Variants in NEXMIF observed in about 807,000 individuals in gnomAD.
NEXMIF encodes the protein XLMR protein related to neurite extension.
A neutral mutation model predicts 62.1 loss-of-function variants in NEXMIF; 8 were observed. The ratio of observed to expected loss-of-function variants is 0.13; its 90% CI spans 0.08 to 0.23. NEXMIF has a LOEUF of 0.23. Ranked by LOEUF, NEXMIF falls within the 10% of genes least tolerant of loss-of-function variation. NEXMIF has a pLI of 1.00. For missense variants in NEXMIF, 976 were observed against 1,113.3 expected (o/e 0.88, Z 1.75); for synonymous variants, 404 against 416.6 (o/e 0.97, Z 0.37).
intron 1 of NEXMIF, among the ~76,000 whole-genome samples, chrX:74,758,406 G>A: frequency 9.0e-6 from 1 of 110,667 alleles, no homozygotes; most frequent in Middle Eastern, 4.6e-3. Context: ...ACTCAAAACT[G>A]ATTTAAAAAA....
rs768716351 is a variant in NEXMIF, at chrX:74,764,158, T to C, written c.-47-18461A>G. 7.1e-5 allele frequency among the ~76,000 whole-genome samples: 8 copies of C among 111,953 alleles called. No individual in the cohort carries two copies. The East Asian group carries it at 2.3e-3, about 32-fold the overall frequency. On this transcript the variant is annotated intron_variant, in intron 1 of 3. Transcript: ENST00000055682. ...ATATGTCCCATCAATACCTAATTTATTGAGAGTTTTTAGCATGAAAGGCTG... is the reference window on the plus strand; with the variant it reads ...ATATGTCCCATCAATACCTAATTTACTGAGAGTTTTTAGCATGAAAGGCTG...
chrX:74,742,713 C>T lies in NEXMIF; in HGVS notation c.1844G>A (p.Gly615Asp), dbSNP rs1253840118. 8.3e-7 allele frequency: 1 copy of T among 1,209,034 alleles called. No individual in the cohort carries two copies. The highest frequency in any genetic ancestry group is 1.1e-6 in the Non-Finnish European group (1 of 894,691). The stretch of plus-strand genomic sequence containing the variant: ...TGGCAGAAATGACACCTCAAAGCTA[C>T]CTGGTTCAAAGCTTTGCTTTTGGGA... ...PFSQKQSFEP[G>D]SFEVSFLPPA... Residue 615 changes from glycine to aspartate, a missense_variant, in exon 3 of 4, where the codon GGT becomes GAT. Gly to Asp is a moderately conservative substitution (Grantham distance 94, BLOSUM62 -1). Transcript: ENST00000055682.
At chrX:74,920,099 T>C (rs1275906345) in intron 1 of NEXMIF, among the ~76,000 whole-genome samples, 1 of 111,908 alleles carries the variant, frequency 8.9e-6, no homozygotes, top group Non-Finnish European at 1.9e-5. Context: ...TGTGCATGTG[T>C]CTTTATAGCA....
chrX:74,831,498 C>A (rs1044679760), intron 1 of NEXMIF, among the ~76,000 whole-genome samples: 1 of 109,890 alleles, frequency 9.1e-6, no homozygotes, highest in African/African-American at 3.3e-5. Context: ...CCAGTTTCAT[C>A]CATGTCCCTA....
In NEXMIF at chrX:74,875,235, G is replaced by T. The variant is rs1032802906; in HGVS notation, c.-48+49648C>A. On this transcript the variant is annotated intron_variant, in intron 1 of 3. Transcript: ENST00000055682. ...TTGAATTTTGTCAAAGGCCTTTTCTGCATCTATTGAGATAATCATGTGGTT... is the reference window on the plus strand; with the variant it reads ...TTGAATTTTGTCAAAGGCCTTTTCTTCATCTATTGAGATAATCATGTGGTT... Among the ~76,000 whole-genome samples, 58 of 109,963 alleles carry T rather than the reference G, an allele frequency of 5.3e-4. 1 individual carries two copies. The highest frequency in any genetic ancestry group is 2.0e-3 in the African/African-American group (58 of 29,441).
At chrX:74,885,870 C>T (rs189717412) in intron 1 of NEXMIF, among the ~76,000 whole-genome samples, 16 of 112,005 alleles carry the variant, frequency 1.4e-4, no homozygotes, top group Admixed American at 9.5e-5. Context: ...GACCAATATC[C>T]TTGATGAACA....
chrX:74,877,084 T>C (rs940267124), intron 1 of NEXMIF, among the ~76,000 whole-genome samples: 1 of 111,711 alleles, frequency 9.0e-6, no homozygotes, highest in Non-Finnish European at 1.9e-5. Flanking sequence ...TTCTTCCTAG[T>C]CTTGATGGTC....
At chrX:74,831,504 C>T in intron 1 of NEXMIF, among the ~76,000 whole-genome samples, 1 of 109,969 alleles carries the variant, frequency 9.1e-6, no homozygotes, top group Admixed American at 9.7e-5. Flanking sequence ...TCATCCATGT[C>T]CCTACAAAGG....
chrX:74,808,405 C>G (rs2080351278), intron 1 of NEXMIF, among the ~76,000 whole-genome samples: 1 of 110,962 alleles, frequency 9.0e-6, no homozygotes, highest in African/African-American at 3.3e-5. Context: ...GAGACTCTGT[C>G]TCAAAAAAAA....
At chrX:74,796,210 T>TATATATATATACATATATA (rs1491127279) in intron 1 of NEXMIF, among the ~76,000 whole-genome samples, 11 of 22,193 alleles carry the variant, frequency 5.0e-4, no homozygotes, top group Non-Finnish European at 1.5e-3. Flanking sequence ...ACATATATAT[T>TATATATATATACATATATA]ATATATATAT....
intron 1 of NEXMIF, among the ~76,000 whole-genome samples, chrX:74,818,149 A>G (rs1453124232): frequency 9.0e-6 from 1 of 111,585 alleles, no homozygotes; most frequent in African/African-American, 3.3e-5. Flanking sequence ...CAGAACCAAA[A>G]AAGAGCCCAA....
chrX:74,796,208 A>AG (rs2080308837), intron 1 of NEXMIF, among the ~76,000 whole-genome samples: 5 of 33,663 alleles, frequency 1.5e-4, no homozygotes, highest in Non-Finnish European at 3.8e-4. Context: ...ATACATATAT[A>AG]TTATATATAT....
chrX:74,851,211 C>T (rs2080512232), intron 1 of NEXMIF, among the ~76,000 whole-genome samples: 1 of 110,767 alleles, frequency 9.0e-6, no homozygotes, highest in African/African-American at 3.3e-5. Context: ...TGAACAAAAC[C>T]TACATGACAT....
chrX:74,770,956 A>T (rs754122383), intron 1 of NEXMIF, among the ~76,000 whole-genome samples: 8 of 112,091 alleles, frequency 7.1e-5, no homozygotes, highest in Non-Finnish European at 1.3e-4. Context: ...ATGTTAAAAA[A>T]TAAAGGCAAA....
At chrX:74,796,181 A>G (rs1264947934) in intron 1 of NEXMIF, among the ~76,000 whole-genome samples, 3 of 72,411 alleles carry the variant, frequency 4.1e-5, no homozygotes, top group South Asian at 5.3e-4. Flanking sequence ...TTATATATAT[A>G]CATATATATT....
At chrX:74,815,956 T>C (rs1180614626) in intron 1 of NEXMIF, among the ~76,000 whole-genome samples, 2 of 111,408 alleles carry the variant, frequency 1.8e-5, no homozygotes, top group African/African-American at 6.5e-5. Flanking sequence ...TTAATATGAA[T>C]TCTTGTTCTC....
At chrX:74,746,071 T>A (rs975805684) in intron 1 of NEXMIF, among the ~76,000 whole-genome samples, 1 of 112,625 alleles carries the variant, frequency 8.9e-6, no homozygotes, top group Non-Finnish European at 1.9e-5. Context: ...TGTGTTTGTA[T>A]GTGTGTTTGT....
intron 1 of NEXMIF, among the ~76,000 whole-genome samples, chrX:74,900,747 A>T (rs2080747157): frequency 8.9e-6 from 1 of 112,191 alleles, no homozygotes; most frequent in Non-Finnish European, 1.9e-5. Context: ...AGGTGAAAGG[A>T]AATCAAGTAT....
rs751841142 is a variant in NEXMIF at position 74,739,491 on chromosome X, C to T, written c.4465G>A (p.Asp1489Asn). 5.1e-6 allele frequency: 6 copies of T among 1,186,000 alleles called. No homozygotes were observed. Among genetic ancestry groups the T allele is most frequent in the African/African-American group, 3.5e-5 (2 of 56,613 alleles). Residue 1489 changes from aspartate (D) to asparagine (N), a missense_variant, in exon 4 of 4, where the codon GAC (aspartate) becomes AAC (asparagine). Transcript: ENST00000055682. ...GTTTCTGCTTTTAGGAGATTGTAGT[C>T]GGAATCCCTGCAGAAAAATCAAACA... is the stretch of plus-strand genomic sequence containing the variant. ...TASFEKLRDS[D>N]YNLLKAETTF...
Sources: allele counts gnomAD v4.1 joint callset (sites outside exome capture counted in the v4.1 genomes callset), GRCh38; gene constraint gnomAD v4.1.1; transcripts MANE v1.5; gene names NCBI Gene and HGNC (gene_info 2026-07-23, HGNC 2026-07-21).